Variants in CTNNA2 observed in about 807,000 individuals in gnomAD.
CTNNA2 encodes catenin alpha 2.
A neutral mutation model predicts 101.0 loss-of-function variants in CTNNA2; 42 were observed. That is an observed-to-expected ratio of 0.42 (90% CI 0.32 to 0.54). CTNNA2 has a LOEUF of 0.54. Ranked by LOEUF, CTNNA2 falls within the 20% of genes least tolerant of loss-of-function variation. The pLI, the probability that CTNNA2 is intolerant of heterozygous loss-of-function variation, is 0.14. For missense variants in CTNNA2, 871 were observed against 1,223.1 expected, an observed-to-expected ratio of 0.71 and a Z score of 4.29; for synonymous variants, 450 against 456.4, an observed-to-expected ratio of 0.99 and a Z score of 0.18.
intron 9 of CTNNA2, among the ~76,000 whole-genome samples, chr2:80,454,306 A>G (rs1683775930): frequency 6.6e-6 from 1 of 152,156 alleles, no homozygotes; most frequent in Non-Finnish European, 1.5e-5. Context: ...TTTCCTTTAA[A>G]GGGAAAATAT....
intron 3 of CTNNA2, among the ~76,000 whole-genome samples, chr2:79,828,639 T>C (rs1384782507): frequency 6.6e-6 from 1 of 152,236 alleles, no homozygotes; most frequent in Non-Finnish European, 1.5e-5. Flanking sequence ...TTTCTGCTCT[T>C]GGACTAAGTG....
At chr2:79,859,761 G>T (rs1382449854) in intron 4 of CTNNA2, among the ~76,000 whole-genome samples, 2 of 152,116 alleles carry the variant, frequency 1.3e-5, no homozygotes, top group Non-Finnish European at 2.9e-5. Flanking sequence ...GTGAAGGGCA[G>T]TACAGTACTA....
At chr2:79,801,048 G>A (rs1261922917) in intron 3 of CTNNA2, among the ~76,000 whole-genome samples, 1 of 152,172 alleles carries the variant, frequency 6.6e-6, no homozygotes, top group East Asian at 1.9e-4. Context: ...CCCAAGCAAA[G>A]GTAATAGTAG....
intron 6 of CTNNA2, among the ~76,000 whole-genome samples, chr2:79,877,426 A>G (rs1162594582): frequency 6.6e-6 from 1 of 152,156 alleles, no homozygotes; most frequent in East Asian, 1.9e-4. Flanking sequence ...CAGCAAACCT[A>G]GACAGTAGTT....
At chr2:80,474,493 G>T (rs1685560095) in intron 9 of CTNNA2, among the ~76,000 whole-genome samples, 3 of 152,228 alleles carry the variant, frequency 2.0e-5, no homozygotes, top group Middle Eastern at 3.4e-3. Context: ...GCAGTTCCTG[G>T]TTTAGAAGGC....
chr2:79,314,857 G>A (rs1230855622), intron 3 of CTNNA2, among the ~76,000 whole-genome samples: 1 of 152,136 alleles, frequency 6.6e-6, no homozygotes, highest in Non-Finnish European at 1.5e-5. Flanking sequence ...TGATACCCAG[G>A]TATGTGAATA....
At chr2:79,843,508 C>T (rs766679124) in intron 3 of CTNNA2, among the ~76,000 whole-genome samples, 8 of 152,208 alleles carry the variant, frequency 5.3e-5, no homozygotes, top group Middle Eastern at 3.2e-3. Context: ...CAGTATGTCA[C>T]GATGCCTACT....
intron 7 of CTNNA2, among the ~76,000 whole-genome samples, chr2:80,352,858 A>T (rs1041356120): frequency 2.6e-5 from 4 of 152,042 alleles, no homozygotes; most frequent in Non-Finnish European, 2.9e-5. Flanking sequence ...CTTCTTCCTG[A>T]TCATATATGA....
intron 16 of CTNNA2, among the ~76,000 whole-genome samples, chr2:80,607,335 T>A (rs1368149991): frequency 6.6e-6 from 1 of 151,898 alleles, no homozygotes; most frequent in Non-Finnish European, 1.5e-5. Flanking sequence ...AAAAGAAATA[T>A]GTAGGCATCT....
intron 9 of CTNNA2, among the ~76,000 whole-genome samples, chr2:80,445,664 C>T (rs541542980): frequency 8.3e-4 from 126 of 152,172 alleles, no homozygotes; most frequent in Non-Finnish European, 1.5e-3. Context: ...TTTTAACAAG[C>T]TCCTAACTCT....
At chr2:79,884,751 C>CTTTT (rs375184305) in intron 6 of CTNNA2, among the ~76,000 whole-genome samples, 4 of 138,402 alleles carry the variant, frequency 2.9e-5, no homozygotes, top group Non-Finnish European at 3.1e-5. Context: ...TTTAAATATG[C>CTTTT]TTTTTTTTTT....
At chr2:80,551,195 G>A (rs899721365) in intron 11 of CTNNA2, among the ~76,000 whole-genome samples, 1 of 152,188 alleles carries the variant, frequency 6.6e-6, no homozygotes, top group African/African-American at 2.4e-5. Flanking sequence ...GGTTTCAAGA[G>A]TGGACTTGAA....
chr2:80,345,204 G>A (rs1672625735), intron 7 of CTNNA2, among the ~76,000 whole-genome samples: 1 of 152,088 alleles, frequency 6.6e-6, no homozygotes. Context: ...CACATCTGTG[G>A]CCCCCTCCCC....
chr2:79,193,407 T>A (rs1490036927), intron 1 of CTNNA2, among the ~76,000 whole-genome samples: 6 of 152,170 alleles, frequency 3.9e-5, no homozygotes, highest in Admixed American at 3.9e-4. Context: ...TGTGTAACAG[T>A]TACCTACGGT....
At chr2:79,643,048 G>A (rs147245752) in intron 1 of CTNNA2, among the ~76,000 whole-genome samples, 5,105 of 152,018 alleles carry the variant, frequency 0.034, 239 homozygotes, top group South Asian at 0.1. Flanking sequence ...AAAATTAGCT[G>A]GGCATGGTGG....
intron 2 of CTNNA2, among the ~76,000 whole-genome samples, chr2:79,719,863 G>A (rs1271296570): frequency 2.0e-5 from 3 of 152,092 alleles, no homozygotes; most frequent in Non-Finnish European, 4.4e-5. Context: ...TCTATCTACT[G>A]TTTCTTTTGC....
chr2:80,202,358 A>C (rs937629118), intron 7 of CTNNA2, among the ~76,000 whole-genome samples: 1 of 152,182 alleles, frequency 6.6e-6, no homozygotes, highest in Non-Finnish European at 1.5e-5. Flanking sequence ...ATTGTAATAA[A>C]ATGTGGTACA....
chr2:79,268,163 C>T (rs920166295), intron 2 of CTNNA2, among the ~76,000 whole-genome samples: 3 of 152,110 alleles, frequency 2.0e-5, no homozygotes, highest in Non-Finnish European at 4.4e-5. Context: ...CTAGTATCAA[C>T]AGGCATGATG....
chr2:80,136,697 A>C (rs1337813181), intron 7 of CTNNA2, among the ~76,000 whole-genome samples: 2 of 152,146 alleles, frequency 1.3e-5, no homozygotes, highest in African/African-American at 4.8e-5. Context: ...TCTTGCAAAA[A>C]GCAGGGCCAT....
Sources: allele counts gnomAD v4.1 joint callset (sites outside exome capture counted in the v4.1 genomes callset), GRCh38; gene constraint gnomAD v4.1.1; transcripts MANE v1.5; gene names NCBI Gene and HGNC (gene_info 2026-07-23, HGNC 2026-07-21).